Variants in LMBRD1 observed in about 807,000 individuals in gnomAD.
The protein encoded by LMBRD1 is LMBR1 domain containing 1.
In LMBRD1, 64 loss-of-function variants were observed where a neutral mutation model predicts 74.8. The ratio of observed to expected loss-of-function variants is 0.86; its 90% CI spans 0.70 to 1.05. LMBRD1 has a LOEUF of 1.05. Among genes scored for constraint, LMBRD1 ranks in the 50% least tolerant of loss-of-function variants. The pLI is 0.00. For synonymous variants in LMBRD1, 204 were observed against 216.3 expected (o/e 0.94, Z 0.50); for missense variants, 652 against 645.9 (o/e 1.01, Z -0.10).
intron 3 of LMBRD1, among the ~76,000 whole-genome samples, chr6:69,755,655 A>G (rs1375417963): frequency 1.3e-5 from 2 of 152,184 alleles, no homozygotes; most frequent in African/African-American, 2.4e-5. Context: ...ACAAAATGCC[A>G]TTTGTAAATC....
In LMBRD1 at chr6:69,675,763, A is replaced by G. The variant is rs80330045; in HGVS notation, c.*395T>C. ...GTAAATATTATTTGGAGGCAATCAG[A>G]GAGAGACACTTTAAAATTCCACATC... On this transcript the variant is annotated 3_prime_UTR_variant, in exon 16 of 16. Transcript: ENST00000649934. The G allele has an allele frequency of 8.3e-3, 1,729 of 209,490 alleles. 40 individuals are homozygous for G. The highest frequency in any genetic ancestry group is 0.076 in the East Asian group (627 of 8,262). The allele number at this position is 209,490 out of a possible 1,614,324, so 13.0% of individuals were successfully genotyped here.
Position 69,790,670 on chromosome 6 carries a change from C to G in LMBRD1, c.70-198G>C, listed in dbSNP as rs45470492. ...CCTACTTCATGAATGCAGTACATCA[C>G]GTATGCATACACACACAATACTATT... is the stretch of plus-strand genomic sequence containing the variant. On this transcript the variant is annotated intron_variant, in intron 1 of 15. Transcript: ENST00000649934. The G allele has an allele frequency of 2.6e-5, 15 of 586,366 alleles. 1 individual carries two copies. Among genetic ancestry groups the G allele is most frequent in the South Asian group, 2.1e-4 (11 of 52,704 alleles). 36.3% of individuals were successfully genotyped at this position (586,366 alleles called of 1,614,324 possible).
At chr6:69,737,396 GA>G (rs796859245) in intron 7 of LMBRD1, among the ~76,000 whole-genome samples, 1 of 151,726 alleles carries the variant, frequency 6.6e-6, no homozygotes, top group African/African-American at 2.4e-5. Flanking sequence ...AGACTGAGGG[GA>G]AAAAAGTCTG....
At chr6:69,712,300 G>A (rs1160792502) in intron 9 of LMBRD1, among the ~76,000 whole-genome samples, 2 of 152,124 alleles carry the variant, frequency 1.3e-5, no homozygotes, top group African/African-American at 4.8e-5. Context: ...AAGTACCATA[G>A]TCCCAAGAAT....
chr6:69,717,884 A>G (rs1216777036), intron 8 of LMBRD1, among the ~76,000 whole-genome samples: 2 of 152,086 alleles, frequency 1.3e-5, no homozygotes, highest in Non-Finnish European at 2.9e-5. Context: ...TTTTTTGTAG[A>G]GATGGGGTTT....
chr6:69,702,879 G>A (rs960968831), intron 9 of LMBRD1, among the ~76,000 whole-genome samples: 6 of 151,966 alleles, frequency 3.9e-5, no homozygotes, highest in African/African-American at 1.4e-4. Flanking sequence ...TTATTTCACA[G>A]GACTGTGGAA....
intron 2 of LMBRD1, among the ~76,000 whole-genome samples, chr6:69,786,170 A>C (rs1277579350): frequency 6.6e-6 from 1 of 152,230 alleles, no homozygotes; most frequent in Non-Finnish European, 1.5e-5. Flanking sequence ...ATTAATCTCC[A>C]GTACCTACAA....
intron 8 of LMBRD1, among the ~76,000 whole-genome samples, chr6:69,715,979 G>A (rs1055144490): frequency 1.3e-5 from 2 of 152,028 alleles, no homozygotes; most frequent in African/African-American, 4.8e-5. Context: ...ACTATTCCAT[G>A]GTGTATATGT....
intron 9 of LMBRD1, 58 bp downstream of exon 9, chr6:69,713,587 G>A (rs1459642317): frequency 2.6e-6 from 4 of 1,550,674 alleles, no homozygotes; most frequent in Non-Finnish European, 3.6e-6. Flanking sequence ...ATCTCTCCAA[G>A]AGGTACTACA....
intron 7 of LMBRD1, among the ~76,000 whole-genome samples, chr6:69,737,601 T>C (rs1767003428): frequency 6.7e-6 from 1 of 149,998 alleles, no homozygotes; most frequent in Admixed American, 6.7e-5. Flanking sequence ...ATATTATAAA[T>C]CTATTAATAT....
chr6:69,735,747 C>G (rs1766962961), intron 7 of LMBRD1, among the ~76,000 whole-genome samples: 1 of 152,176 alleles, frequency 6.6e-6, no homozygotes, highest in Non-Finnish European at 1.5e-5. Flanking sequence ...AAATGTTTGT[C>G]AGAGCCCATG....
chr6:69,716,930 C>A (rs567876297), intron 8 of LMBRD1, among the ~76,000 whole-genome samples: 3 of 151,138 alleles, frequency 2.0e-5, no homozygotes, highest in Non-Finnish European at 4.4e-5. Context: ...TTTATATGTA[C>A]AGGCACATGT....
intron 3 of LMBRD1, among the ~76,000 whole-genome samples, chr6:69,774,466 T>C (rs1472402497): frequency 6.6e-6 from 1 of 152,242 alleles, no homozygotes; most frequent in Non-Finnish European, 1.5e-5. Flanking sequence ...GGGTTTGGGA[T>C]AGTTTTAATT....
intron 6 of LMBRD1, among the ~76,000 whole-genome samples, chr6:69,741,435 G>C (rs1767098356): frequency 8.5e-6 from 1 of 117,392 alleles, no homozygotes; most frequent in Admixed American, 8.2e-5. Flanking sequence ...CCCCCAGGCT[G>C]GAATGCAATG....
rs375281653 is a variant in LMBRD1 at position 69,741,875 on chromosome 6, G to A, written c.476C>T (p.Ala159Val). ...VICALLLLVG[A>V]FVPLNVPNNK... ...ATTGGGAACATTCAATGGAACAAAG[G>A]CACTACAAAAGAGAAAATAATTGTT... The change falls in exon 6 of 16, where the codon GCC becomes GTC. Residue 159 changes from alanine (A) to valine (V), a missense_variant and splice_region_variant. Transcript: ENST00000649934. 5 of 1,570,560 alleles carry A rather than the reference G, an allele frequency of 3.2e-6. No homozygotes were observed. Among genetic ancestry groups the A allele is most frequent in the South Asian group, 1.1e-5 (1 of 89,838 alleles).
intron 7 of LMBRD1, among the ~76,000 whole-genome samples, chr6:69,724,440 A>T (rs957221897): frequency 4.1e-5 from 6 of 145,638 alleles, no homozygotes; most frequent in Non-Finnish European, 9.2e-5. Context: ...TCAACATCAG[A>T]AAGATCATTC....
chr6:69,722,237 C>T (rs1467771868), intron 7 of LMBRD1, among the ~76,000 whole-genome samples: 1 of 152,004 alleles, frequency 6.6e-6, no homozygotes, highest in Non-Finnish European at 1.5e-5. Context: ...CCCAGAGAAA[C>T]AAAAGCTAAG....
intron 5 of LMBRD1, among the ~76,000 whole-genome samples, chr6:69,744,833 C>T (rs1767183168): frequency 6.6e-6 from 1 of 152,034 alleles, no homozygotes; most frequent in Non-Finnish European, 1.5e-5. Flanking sequence ...ATACATCCTT[C>T]ACAGTGCTGT....
chr6:69,764,189 G>C (rs967989427), intron 3 of LMBRD1, among the ~76,000 whole-genome samples: 1 of 152,158 alleles, frequency 6.6e-6, no homozygotes, highest in South Asian at 2.1e-4. Flanking sequence ...AAGCCCTAAC[G>C]CCAATGTGAT....
Sources: allele counts gnomAD v4.1 joint callset (sites outside exome capture counted in the v4.1 genomes callset), GRCh38; gene constraint gnomAD v4.1.1; transcripts MANE v1.5; gene names NCBI Gene and HGNC (gene_info 2026-07-23, HGNC 2026-07-21).